The following JPH2 variants were observed in gnomAD, a reference collection of about 807,000 sequenced individuals.
The protein encoded by JPH2 is junctophilin-2.
A neutral mutation model predicts 55.9 loss-of-function variants in JPH2; 38 were observed. That is an observed-to-expected ratio of 0.68 (90% CI 0.52 to 0.89). The LOEUF (loss-of-function observed/expected upper bound fraction) is 0.89, where lower values mean the gene tolerates loss of function less well. Among genes scored for constraint, JPH2 ranks in the 40% least tolerant of loss-of-function variants. The pLI is 0.00. For synonymous variants in JPH2, 480 were observed against 472.4 expected (o/e 1.02, Z -0.21); for missense variants, 964 against 1,037.6 (o/e 0.93, Z 0.97).
chr20:44,119,735 A>G (rs6017268), intron 2 of JPH2, among the ~76,000 whole-genome samples: 113,998 of 151,386 alleles, frequency 0.75, 43,133 homozygotes, highest in African/African-American at 0.81. Flanking sequence ...TTAGCCGGGC[A>G]TGGTGGCGGG....
At chr20:44,122,880 T>A (rs549931841) in intron 2 of JPH2, among the ~76,000 whole-genome samples, 1 of 152,322 alleles carries the variant, frequency 6.6e-6, no homozygotes, top group South Asian at 2.1e-4. Flanking sequence ...GCCACTTCTC[T>A]GGGCACATGA....
At chr20:44,127,484 C>T (rs1180496784) in intron 2 of JPH2, among the ~76,000 whole-genome samples, 1 of 142,698 alleles carries the variant, frequency 7.0e-6, no homozygotes, top group East Asian at 2.0e-4. Context: ...TGATATCATC[C>T]TTCTTTTTTT....
At chr20:44,127,644 C>T (rs148099518) in intron 2 of JPH2, among the ~76,000 whole-genome samples, 2 of 150,076 alleles carry the variant, frequency 1.3e-5, no homozygotes, top group African/African-American at 4.9e-5. Flanking sequence ...CGACACCATG[C>T]CTGGCTGATT....
At chr20:44,143,942 G>A (rs1246454366) in intron 2 of JPH2, among the ~76,000 whole-genome samples, 1 of 152,120 alleles carries the variant, frequency 6.6e-6, no homozygotes, top group Non-Finnish European at 1.5e-5. Flanking sequence ...TGGAGACAAA[G>A]AGGGGGTGCT....
At position 44,114,858 on chromosome 20, in the gene JPH2, T is replaced by C. The variant is rs2072175218; in HGVS notation, c.2029A>G (p.Ile677Val). 1.2e-6 allele frequency: 2 copies of C among 1,605,284 alleles called. No homozygotes were observed. The highest frequency in any genetic ancestry group is 1.7e-6 in the Non-Finnish European group (2 of 1,176,728). ...ATGTTCAGCAGGATCACCATGCAGA[T>C]GAGGATGGTGTTGGGGACCTGGGAG... ...EVEEVPNTIL[I>V]CMVILLNIGL... Residue 677 changes from isoleucine (I) to valine (V), a missense_variant, in exon 5 of 6, where the codon ATC (isoleucine) becomes GTC (valine). Ile to Val is a conservative substitution (Grantham distance 29, BLOSUM62 3). Coordinates refer to ENST00000372980, the MANE Select transcript of JPH2 (RefSeq NM_020433.5).
rs1569195642 is a variant in JPH2, at chr20:44,134,860, A to ATTAATATATATATT, written c.1170-16238_1170-16237insAATATATATATTAA. Reference sequence around the variant, plus strand: ...AAATATATGTTTATTATAAATATATATATAAATATATATATTTATATATAT... The same window carrying ATTAATATATATATT: ...AAATATATGTTTATTATAAATATATATTAATATATATATTTATAAATATATATATTTATATATAT... On this transcript the variant is annotated intron_variant, in intron 2 of 5. Coordinates refer to ENST00000372980, the MANE Select transcript of JPH2 (RefSeq NM_020433.5). Among the ~76,000 whole-genome samples, 10 of 39,326 alleles carry ATTAATATATATATT rather than the reference A, an allele frequency of 2.5e-4. 1 individual carries two copies. The highest frequency in any genetic ancestry group is 1.2e-3 in the African/African-American group (10 of 8,320). The allele number at this position is 39,326 out of a possible 152,430, so 25.8% of individuals were successfully genotyped here. A position where few individuals can be genotyped will look rare whatever the true frequency, so the allele number is the denominator to read the frequency against.
Position 44,134,682 on chromosome 20 carries a change from A to ATATT in JPH2, c.1170-16063_1170-16060dup, listed in dbSNP as rs1555855912. 2.5e-3 allele frequency among the ~76,000 whole-genome samples: 28 copies of ATATT among 11,236 alleles called. 1 individual carries two copies. Among genetic ancestry groups the ATATT allele is most frequent in the African/African-American group, 8.2e-3 (25 of 3,042 alleles). The allele number at this position is 11,236 out of a possible 152,430, so 7.4% of individuals were successfully genotyped here. On this transcript the variant is annotated intron_variant, in intron 2 of 5. Transcript: ENST00000372980. Reference sequence around the variant, plus strand: ...AATATATATAAATATATATTTATAAATATTATAAATATATATACATTAATA... The same window carrying ATATT: ...AATATATATAAATATATATTTATAAATATTTATTATAAATATATATACATTAATA...
chr20:44,175,414 C>T (rs557426330), intron 1 of JPH2, among the ~76,000 whole-genome samples: 2 of 152,250 alleles, frequency 1.3e-5, no homozygotes, highest in African/African-American at 4.8e-5. Context: ...ATTTAGACTG[C>T]GTTACATTTT....
rs1025373634 is a variant in JPH2 at position 44,185,414 on chromosome 20, C to T, written c.379+913G>A. ...CGAGACAGGCAGATTGCTTGAGCTCCGAAGTTTGAGACCAGTCTGGGCAAT... is the reference window on the plus strand; with the variant it reads ...CGAGACAGGCAGATTGCTTGAGCTCTGAAGTTTGAGACCAGTCTGGGCAAT... On this transcript the variant is annotated intron_variant, in intron 1 of 5. Transcript: ENST00000372980. Among the ~76,000 whole-genome samples, 147 of 151,110 alleles carry T rather than the reference C, an allele frequency of 9.7e-4. 3 individuals are homozygous for T. The highest frequency in any genetic ancestry group is 3.8e-4 in the Non-Finnish European group (26 of 67,822).
intron 2 of JPH2, among the ~76,000 whole-genome samples, chr20:44,132,563 G>C (rs1383055840): frequency 2.0e-5 from 3 of 151,530 alleles, no homozygotes; most frequent in Non-Finnish European, 4.4e-5. Flanking sequence ...GCCCAAGCAC[G>C]AGGCCGGAGA....
intron 1 of JPH2, among the ~76,000 whole-genome samples, chr20:44,180,335 A>AT (rs750039814): frequency 9.4e-4 from 141 of 149,624 alleles, no homozygotes; most frequent in African/African-American, 2.8e-3. Context: ...TATTATATTT[A>AT]TTTTATTTTT....
intron 1 of JPH2, among the ~76,000 whole-genome samples, chr20:44,172,201 T>C (rs2145889804): frequency 6.6e-6 from 1 of 152,286 alleles, no homozygotes; most frequent in Non-Finnish European, 1.5e-5. Flanking sequence ...TCCTGGGATG[T>C]GGAACTTTCA....
chr20:44,177,033 C>T, intron 1 of JPH2: 1 of 985,422 alleles, frequency 1.0e-6, no homozygotes, highest in East Asian at 1.1e-4. Context: ...CTCTGGAGTT[C>T]CTAGCACACC....
Position 44,184,708 on chromosome 20 carries a change from A to T in JPH2, c.379+1619T>A, listed in dbSNP as rs76896099. ...TTTTGCCACAGAAAACTCCTCTCTGATTCTTTAACCCACTGCTACCCTCAT... is the reference window on the plus strand; with the variant it reads ...TTTTGCCACAGAAAACTCCTCTCTGTTTCTTTAACCCACTGCTACCCTCAT... On this transcript the variant is annotated intron_variant, in intron 1 of 5. Coordinates refer to ENST00000372980, the MANE Select transcript of JPH2 (RefSeq NM_020433.5). Among the ~76,000 whole-genome samples, 525 of 152,152 alleles carry T rather than the reference A, an allele frequency of 3.5e-3. 13 individuals are homozygous for T. In the East Asian group the frequency reaches 0.048, roughly 14 times the overall value.
intron 2 of JPH2, among the ~76,000 whole-genome samples, chr20:44,130,823 TC>T (rs1330404875): frequency 6.6e-6 from 1 of 152,220 alleles, no homozygotes; most frequent in Non-Finnish European, 1.5e-5. Flanking sequence ...TATTATTTTT[TC>T]GTTTTTTGGG....
Position 44,122,754 on chromosome 20 carries a change from AGAG to A in JPH2, c.1170-4134_1170-4132del, listed in dbSNP as rs539637796. On this transcript the variant is annotated intron_variant, in intron 2 of 5. Transcript: ENST00000372980. ...ATGGGGTGTTGGTGGCGGTGGTGAA[AGAG>A]GAGGAGGAGAATGACATCTGTACAT... Among the ~76,000 whole-genome samples, 43 of 152,120 alleles carry A rather than the reference AGAG, an allele frequency of 2.8e-4. 1 individual carries two copies. The highest frequency in any genetic ancestry group is 3.4e-3 in the Middle Eastern group (1 of 294).
chr20:44,115,344 C>G (rs1023266187), intron 4 of JPH2, among the ~76,000 whole-genome samples: 6 of 152,136 alleles, frequency 3.9e-5, no homozygotes, highest in Non-Finnish European at 7.4e-5. Context: ...CAGCCCAACC[C>G]CCCTGACTGG....
intron 1 of JPH2, among the ~76,000 whole-genome samples, chr20:44,175,573 A>G (rs906078606): frequency 6.6e-6 from 1 of 152,128 alleles, no homozygotes; most frequent in Admixed American, 6.5e-5. Context: ...GAAGCGGAGG[A>G]GCTGGCGGCA....
rs377366285 is a variant in JPH2 at position 44,115,961 on chromosome 20, G to C, written c.1714C>G (p.Arg572Gly). 6.4e-7 allele frequency: 1 copy of C among 1,572,330 alleles called. No individual in the cohort carries two copies. The highest frequency in any genetic ancestry group is 8.6e-7 in the Non-Finnish European group (1 of 1,166,430). ...LYQGYHSYAVRTTPPEPPPFE... is the reference protein window; with the variant it reads ...LYQGYHSYAVGTTPPEPPPFE... ...GGTGGGGGCTCGGGCGGCGTGGTGCGCACAGCATAGCTGTGGTAGCCCTGG... is the reference window on the plus strand; with the variant it reads ...GGTGGGGGCTCGGGCGGCGTGGTGCCCACAGCATAGCTGTGGTAGCCCTGG... Residue 572 changes from arginine to glycine, a missense_variant, in exon 4 of 6, where the codon CGC becomes GGC. By Grantham distance (125) the Arg-to-Gly change is moderately radical. Coordinates refer to ENST00000372980, the MANE Select transcript of JPH2 (RefSeq NM_020433.5).
Sources: gnomAD v4.1 joint callset for allele counts (sites outside exome capture counted in the v4.1 genomes callset) on GRCh38, gnomAD v4.1.1 for gene constraint, MANE v1.5 for transcripts, NCBI Gene and HGNC (gene_info 2026-07-23, HGNC 2026-07-21) for gene names.